Variants in CCDC91 observed in about 807,000 individuals in gnomAD.
CCDC91 encodes the protein coiled-coil domain-containing protein 91.
CCDC91 carries 48 observed loss-of-function variants against 63.2 expected under a neutral mutation model. The observed-to-expected ratio is 0.76, with a 90% confidence interval of 0.60 to 0.97. CCDC91 has a LOEUF of 0.97. CCDC91 is among the 50% of genes least tolerant of loss of function. The pLI is 0.00. For synonymous variants in CCDC91, 167 were observed against 165.8 expected (o/e 1.01, Z -0.06); for missense variants, 500 against 494.6 (o/e 1.01, Z -0.10).
At chr12:28,433,032 A>G (rs1235893101) in intron 8 of CCDC91, among the ~76,000 whole-genome samples, 2 of 152,092 alleles carry the variant, frequency 1.3e-5, no homozygotes, top group African/African-American at 4.8e-5. Context: ...GTGAGCTGCT[A>G]AAGTCTTTTA....
chr12:28,544,209 T>C (rs979962217), intron 12 of CCDC91, among the ~76,000 whole-genome samples: 19 of 151,858 alleles, frequency 1.3e-4, no homozygotes, highest in African/African-American at 4.4e-4. Context: ...TCCTCCTTGG[T>C]AATTTTGCTC....
intron 1 of CCDC91, among the ~76,000 whole-genome samples, chr12:28,235,239 A>G (rs1383283333): frequency 1.3e-5 from 2 of 152,186 alleles, no homozygotes; most frequent in Admixed American, 6.6e-5. Flanking sequence ...GCTCACCCAC[A>G]TTCAAGGGGA....
intron 12 of CCDC91, among the ~76,000 whole-genome samples, chr12:28,485,325 ATTTTT>A (rs915283460): frequency 6.6e-6 from 1 of 151,656 alleles, no homozygotes; most frequent in African/African-American, 2.4e-5. Flanking sequence ...TGCCCAGCTA[ATTTTT>A]TTATTTTTTA....
At chr12:28,310,855 C>T (rs993991735) in intron 6 of CCDC91, among the ~76,000 whole-genome samples, 8 of 152,012 alleles carry the variant, frequency 5.3e-5, no homozygotes, top group Non-Finnish European at 5.9e-5. Context: ...AATTCCCTGC[C>T]GAAGCATTTT....
At chr12:28,196,117 A>G (rs1454204135) in intron 1 of CCDC91, among the ~76,000 whole-genome samples, 1 of 152,124 alleles carries the variant, frequency 6.6e-6, no homozygotes, top group Non-Finnish European at 1.5e-5. Flanking sequence ...GAGAAAACAA[A>G]ATGAAACAAC....
intron 6 of CCDC91, among the ~76,000 whole-genome samples, chr12:28,344,050 A>G (rs118083007): frequency 0.014 from 2,075 of 152,246 alleles, 23 homozygotes; most frequent in Non-Finnish European, 0.022. Context: ...TATCTAAAAT[A>G]GTTATTTTAT....
At chr12:28,378,214 G>A (rs1188527265) in intron 7 of CCDC91, among the ~76,000 whole-genome samples, 1 of 151,830 alleles carries the variant, frequency 6.6e-6, no homozygotes, top group African/African-American at 2.4e-5. Flanking sequence ...TGAGAGTTTT[G>A]GTCTTTTGTG....
chr12:28,428,441 A>C (rs1948445222), intron 8 of CCDC91, among the ~76,000 whole-genome samples: 1 of 151,842 alleles, frequency 6.6e-6, no homozygotes. Context: ...TTGGTGGTGC[A>C]TGCTTGTAAT....
At chr12:28,240,189 C>G (rs376254166) in intron 1 of CCDC91, among the ~76,000 whole-genome samples, 3 of 152,118 alleles carry the variant, frequency 2.0e-5, no homozygotes, top group Admixed American at 6.6e-5. Flanking sequence ...GTCCATTTTA[C>G]GCTTTCTAAT....
chr12:28,334,880 G>A (rs1419706109), intron 6 of CCDC91, among the ~76,000 whole-genome samples: 1 of 151,714 alleles, frequency 6.6e-6, no homozygotes, highest in Non-Finnish European at 1.5e-5. Flanking sequence ...AGTGTGAAAT[G>A]ATAGGTATAT....
At chr12:28,324,339 T>C (rs561586368) in intron 6 of CCDC91, among the ~76,000 whole-genome samples, 2 of 151,990 alleles carry the variant, frequency 1.3e-5, no homozygotes, top group South Asian at 4.1e-4. Context: ...TTTCACTCTA[T>C]AGCAAATTAA....
At chr12:28,315,173 T>TATA (rs1565783890) in intron 6 of CCDC91, among the ~76,000 whole-genome samples, 8 of 128,608 alleles carry the variant, frequency 6.2e-5, no homozygotes, top group Non-Finnish European at 1.2e-4. Context: ...ATATATATAT[T>TATA]TTTGTTTTTG....
At chr12:28,223,910 A>G (rs182260886) in intron 1 of CCDC91, among the ~76,000 whole-genome samples, 74 of 152,304 alleles carry the variant, frequency 4.9e-4, no homozygotes, top group Non-Finnish European at 8.4e-4. Context: ...AACTCAGGCC[A>G]TTGGAGGTAT....
intron 3 of CCDC91, chr12:28,304,780 T>TTTTAAAATACATAATA (rs1480509211): frequency 4.1e-6 from 2 of 484,416 alleles, no homozygotes; most frequent in Non-Finnish European, 6.9e-6. Context: ...TTTCCTTAAA[T>TTTTAAAATACATAATA]TTTAAAATAC....
chr12:28,477,886 C>T (rs1256114311), intron 11 of CCDC91, among the ~76,000 whole-genome samples: 1 of 152,024 alleles, frequency 6.6e-6, no homozygotes, highest in East Asian at 1.9e-4. Flanking sequence ...GAATAAAATA[C>T]CTAGGAATCC....
At chr12:28,452,773 T>C in intron 11 of CCDC91, 119 bp downstream of exon 11, 2 of 400,428 alleles carry the variant, frequency 5.0e-6, no homozygotes, top group Non-Finnish European at 8.8e-6. Flanking sequence ...TATGACTTTT[T>C]AATTTTTAAT....
intron 12 of CCDC91, among the ~76,000 whole-genome samples, chr12:28,508,245 TA>T (rs1938974577): frequency 6.6e-6 from 1 of 151,896 alleles, no homozygotes; most frequent in African/African-American, 2.4e-5. Flanking sequence ...TGGGGAGACT[TA>T]AAAGAGAAAA....
chr12:28,448,499 GA>G (rs1949645495), intron 8 of CCDC91, among the ~76,000 whole-genome samples: 1 of 152,104 alleles, frequency 6.6e-6, no homozygotes, highest in African/African-American at 2.4e-5. Flanking sequence ...TCAGAATTAA[GA>G]AATGACATTC....
intron 3 of CCDC91, among the ~76,000 whole-genome samples, chr12:28,264,440 A>C (rs1293124997): frequency 6.7e-6 from 1 of 149,968 alleles, no homozygotes; most frequent in Non-Finnish European, 1.5e-5. Flanking sequence ...AAATGTTCAT[A>C]AGGCTAGTAA....
Sources: allele counts gnomAD v4.1 joint callset (sites outside exome capture counted in the v4.1 genomes callset), GRCh38; gene constraint gnomAD v4.1.1; transcripts MANE v1.5; gene names NCBI Gene and HGNC (gene_info 2026-07-23, HGNC 2026-07-21).